KIF25: variants seen among roughly 807,000 people sequenced by gnomAD.
KIF25 encodes kinesin-like protein KIF25.
KIF25 carries 19 observed loss-of-function variants against 32.9 expected under a neutral mutation model. That is an observed-to-expected ratio of 0.58 (90% CI 0.40 to 0.85). The LOEUF (loss-of-function observed/expected upper bound fraction) is 0.85, where lower values mean the gene tolerates loss of function less well. KIF25 is among the 40% of genes least tolerant of loss of function. The pLI, the probability that KIF25 is intolerant of heterozygous loss-of-function variation, is 0.00. For missense variants in KIF25, 485 were observed against 507.0 expected, an observed-to-expected ratio of 0.96 and a Z score of 0.42; for synonymous variants, 225 against 213.7, an observed-to-expected ratio of 1.05 and a Z score of -0.46.
intron 9 of KIF25, 81 bp from the exon 10 acceptor site, chr6:168,039,984 C>T: frequency 6.7e-7 from 1 of 1,488,800 alleles, no homozygotes; most frequent in East Asian, 2.3e-5. Context: ...AGAGGCTTCC[C>T]TGAGCCGAGG....
At chr6:168,033,325 C>T (rs1358561122) in intron 7 of KIF25, among the ~76,000 whole-genome samples, 2 of 152,112 alleles carry the variant, frequency 1.3e-5, no homozygotes, top group African/African-American at 2.4e-5. Flanking sequence ...TATGGCGAAA[C>T]TCCATCTCTA....
intron 5 of KIF25, among the ~76,000 whole-genome samples, chr6:168,024,420 TCTC>T (rs1385844532): frequency 1.6e-5 from 2 of 125,930 alleles, no homozygotes; most frequent in African/African-American, 5.9e-5. Context: ...TAAAAACCTC[TCTC>T]TTTTTTTTTT....
chr6:168,044,896 A>G lies in KIF25; in HGVS notation c.1055A>G (p.Gln352Arg), dbSNP rs1388199215. Reference protein sequence around the residue: ...PSQRHLAQTLQGLGFGIRARQ... With the variant: ...PSQRHLAQTLRGLGFGIRARQ... The stretch of plus-strand genomic sequence containing the variant: ...CAGAGGCACCTGGCACAGACGTTGC[A>G]GGGCCTGGGTTTCGGGATCCGAGCT... Residue 352 changes from glutamine (Q) to arginine (R), a missense_variant, in exon 13 of 13, where the codon CAG becomes CGG. Around this residue, in one of 2 missense-constraint regions of KIF25, gnomAD observed 480 missense variants for 470.3 expected, o/e 1.02. Coordinates refer to ENST00000643607, the MANE Select transcript of KIF25 (RefSeq NM_030615.4). 3.7e-6 allele frequency: 6 copies of G among 1,612,852 alleles called. No homozygotes were observed. In the African/African-American group the frequency reaches 5.3e-5, roughly 14 times the overall value.
At chr6:168,042,754 CA>C (rs1209850035) in intron 12 of KIF25, 38 bp downstream of exon 12, 3 of 1,581,344 alleles carry the variant, frequency 1.9e-6, no homozygotes, top group Admixed American at 1.7e-5. Context: ...GATGGGGGAC[CA>C]CGTACCCCAG....
chr6:168,000,524 T>C (rs1160340065), intron 2 of KIF25, among the ~76,000 whole-genome samples: 124 of 31,342 alleles, frequency 4.0e-3, no homozygotes, highest in Middle Eastern at 0.026. Context: ...ATCCTGTCTA[T>C]ACCTGCCCCT....
rs1026746720 is a variant in KIF25, at chr6:168,042,099, G to T, written c.777G>T (p.Glu259Asp). 5.8e-6 allele frequency: 9 copies of T among 1,551,440 alleles called. No homozygotes were observed. The Admixed American group carries it at 1.6e-4, about 27-fold the overall frequency. ...LVPGNPAGHA[E>D]QVQARLQLVD... Reference sequence around the variant, plus strand: ...CTGGGAACCCCGCAGGGCATGCGGAGCAGGTGCAGGCTCGACTACAGCTCG... The same window carrying T: ...CTGGGAACCCCGCAGGGCATGCGGATCAGGTGCAGGCTCGACTACAGCTCG... The change falls in exon 11 of 13, where the codon GAG becomes GAT. Residue 259 changes from glutamate to aspartate, a missense_variant. Around this residue, in one of 2 missense-constraint regions of KIF25, gnomAD observed 480 missense variants for 470.3 expected, o/e 1.02. Coordinates refer to ENST00000643607, the MANE Select transcript of KIF25 (RefSeq NM_030615.4).
intron 5 of KIF25, among the ~76,000 whole-genome samples, chr6:168,027,513 G>A (rs534225512): frequency 3.3e-5 from 5 of 151,986 alleles, no homozygotes; most frequent in East Asian, 1.9e-4. Context: ...GAGATTCCAG[G>A]TTGGGGGGAA....
At position 168,028,053 on chromosome 6, in the gene KIF25, C is replaced by T. The variant is rs138822599; in HGVS notation, c.-94-1439C>T. On this transcript the variant is annotated intron_variant, in intron 5 of 12. Coordinates refer to ENST00000643607, the MANE Select transcript of KIF25 (RefSeq NM_030615.4). ...CCCCCCTGTGGACTCTGCTGGGACA[C>T]GCATGGCCGGGTGGTTTTCATTAAA... Among the ~76,000 whole-genome samples, 418 of 152,162 alleles carry T rather than the reference C, an allele frequency of 2.7e-3. 1 individual carries two copies. Among genetic ancestry groups the T allele is most frequent in the African/African-American group, 9.7e-3 (402 of 41,494 alleles).
At chr6:168,002,326 C>T (rs1798519137) in intron 2 of KIF25, among the ~76,000 whole-genome samples, 1 of 150,404 alleles carries the variant, frequency 6.6e-6, no homozygotes. Context: ...GAGGCGTGGC[C>T]TCGGGCAGGT....
At chr6:168,008,082 G>C (rs749323938) in intron 4 of KIF25, among the ~76,000 whole-genome samples, 7 of 152,116 alleles carry the variant, frequency 4.6e-5, no homozygotes, top group Non-Finnish European at 5.9e-5. Context: ...CCTTATGAAG[G>C]AATACTGTAT....
chr6:168,013,450 T>C (rs1203471723), intron 4 of KIF25, among the ~76,000 whole-genome samples: 1 of 151,920 alleles, frequency 6.6e-6, no homozygotes, highest in African/African-American at 2.4e-5. Flanking sequence ...GGAGAATGGC[T>C]GTGGTTTCCA....
At chr6:168,044,786 G>A in intron 12 of KIF25, 41 bp from the exon 13 acceptor site, 2 of 1,541,998 alleles carry the variant, frequency 1.3e-6, no homozygotes, top group Middle Eastern at 1.8e-4. Context: ...TTCAGATGCT[G>A]CTCTTCTTTC....
intron 6 of KIF25, 169 bp from the exon 7 acceptor site, chr6:168,030,604 C>A: frequency 6.2e-6 from 3 of 482,176 alleles, no homozygotes; most frequent in Non-Finnish European, 3.7e-6. Context: ...TCTTTATTAA[C>A]CTCTGTTATC....
intron 4 of KIF25, among the ~76,000 whole-genome samples, chr6:168,011,607 T>C (rs932354770): frequency 1.3e-5 from 2 of 152,232 alleles, no homozygotes; most frequent in Non-Finnish European, 2.9e-5. Context: ...GCTTTTCTCT[T>C]GCTGCTTTTA....
chr6:168,034,750 C>A (rs551052487), intron 8 of KIF25, among the ~76,000 whole-genome samples: 1 of 152,288 alleles, frequency 6.6e-6, no homozygotes, highest in African/African-American at 2.4e-5. Context: ...GGGGTCCAGC[C>A]AACATGGCCT....
rs766277818 is a variant in KIF25, at chr6:168,044,831, C to T, written c.990C>T (p.Gly330=). 1.8e-5 allele frequency: 28 copies of T among 1,581,154 alleles called. No homozygotes were observed. Among genetic ancestry groups the T allele is most frequent in the East Asian group, 9.1e-5 (4 of 44,020 alleles). Residue 330 remains glycine (G), a synonymous_variant, in exon 13 of 13, where the codon GGC becomes GGT. Coordinates refer to ENST00000643607, the MANE Select transcript of KIF25 (RefSeq NM_030615.4). ...LTHLLQDCLG[G]DAKLLVILCI... ...TGTTGTTTTTCTATTTTAAAGGAGG[C>T]GATGCGAAGTTACTGGTGATTCTCT...
At chr6:168,043,444 G>A (rs1799162184) in intron 12 of KIF25, among the ~76,000 whole-genome samples, 1 of 152,206 alleles carries the variant, frequency 6.6e-6, no homozygotes, top group Admixed American at 6.5e-5. Context: ...CACCCTGGGA[G>A]GTGGTGGAGG....
At chr6:168,002,422 T>G (rs1798520601) in intron 2 of KIF25, 121 bp from the exon 3 acceptor site, 1 of 152,492 alleles carries the variant, frequency 6.6e-6, no homozygotes, top group Non-Finnish European at 1.5e-5. Context: ...TCCTGGATGG[T>G]GCGGCTCTGG....
At position 168,041,005 on chromosome 6, in the gene KIF25, G is replaced by C. The variant is rs548145790; in HGVS notation, c.646+789G>C. Among the ~76,000 whole-genome samples the C allele has an allele frequency of 2.6e-5, 4 of 152,316 alleles. No individual in the cohort carries two copies. In the East Asian group the frequency reaches 7.7e-4, roughly 29 times the overall value. The stretch of plus-strand genomic sequence containing the variant: ...AATAGCAGACACCACCCATGCTCAG[G>C]TTCAGCAGGGCTGGGACTGGACCCA... On this transcript the variant is annotated intron_variant, in intron 10 of 12. Transcript: ENST00000643607.
Sources: gnomAD v4.1 joint callset for allele counts (sites outside exome capture counted in the v4.1 genomes callset) on GRCh38, gnomAD v4.1.1 for gene constraint, gnomAD v4.1.1 regional missense constraint, MANE v1.5 for transcripts, NCBI Gene and HGNC (gene_info 2026-07-23, HGNC 2026-07-21) for gene names.